Variants in NOTCH1 observed in about 807,000 individuals in gnomAD.
NOTCH1 encodes neurogenic locus notch homolog protein 1.
A neutral mutation model predicts 254.8 loss-of-function variants in NOTCH1; 37 were observed. The observed-to-expected ratio is 0.15, with a 90% confidence interval of 0.11 to 0.19. The LOEUF (loss-of-function observed/expected upper bound fraction) is 0.19, where lower values mean the gene tolerates loss of function less well. Ranked by LOEUF, NOTCH1 falls within the 10% of genes least tolerant of loss-of-function variation. The pLI, the probability that NOTCH1 is intolerant of heterozygous loss-of-function variation, is 1.00. For missense variants in NOTCH1, 2,972 were observed against 3,708.6 expected (o/e 0.80, Z 5.16); for synonymous variants, 1,731 against 1,618.1 (o/e 1.07, Z -1.68).
At chr9:136,514,755 C>G in intron 12 of NOTCH1, 53 bp from the exon 13 acceptor site, 1 of 1,554,998 alleles carries the variant, frequency 6.4e-7, no homozygotes, top group Admixed American at 1.8e-5. Context: ...GGGTCCCACC[C>G]ACGTCAACCT....
chr9:136,523,109 G>C lies in NOTCH1; in HGVS notation c.483C>G (p.Ser161=). ...NGGQCLPFEA[S]YICHCPPSFH... ...AGCTGGGTGGGCAGTGGCAGATGTAGGAGGCCTCGAAGGGCAGGCACTGGC... is the reference window on the plus strand; with the variant it reads ...AGCTGGGTGGGCAGTGGCAGATGTACGAGGCCTCGAAGGGCAGGCACTGGC... Residue 161 remains serine (S), a synonymous_variant, in exon 4 of 34, where the codon TCC becomes TCG. Coordinates refer to ENST00000651671, the MANE Select transcript of NOTCH1 (RefSeq NM_017617.5). 1 of 1,602,198 alleles carries C rather than the reference G, an allele frequency of 6.2e-7. No homozygotes were observed. Among genetic ancestry groups the C allele is most frequent in the South Asian group, 1.1e-5 (1 of 89,146 alleles).
chr9:136,521,872 C>A (rs1465471974), intron 4 of NOTCH1, among the ~76,000 whole-genome samples: 1 of 152,164 alleles, frequency 6.6e-6, no homozygotes, highest in Non-Finnish European at 1.5e-5. Flanking sequence ...TCAGCCAGGA[C>A]CCTGTGCACC....
Position 136,545,064 on chromosome 9 carries a change from G to A in NOTCH1, c.61+662C>T, listed in dbSNP as rs1317010394. On this transcript the variant is annotated intron_variant, in intron 1 of 33. Coordinates refer to ENST00000651671, the MANE Select transcript of NOTCH1 (RefSeq NM_017617.5). This position sits in a 1 kb window ranked among gnomAD's most constrained non-coding sequence, Gnocchi z 6.8. ...TGTAAGAGCCCCCCACCCGCGTCCC[G>A]CTCTCCGCCCCCAAGCTTTCCAAAC... Among the ~76,000 whole-genome samples, 1 of 151,810 alleles carries A rather than the reference G, an allele frequency of 6.6e-6. No individual in the cohort carries two copies. The highest frequency in any genetic ancestry group is 2.4e-5 in the African/African-American group (1 of 41,322).
rs1843714742 is a variant in NOTCH1, at chr9:136,540,316, G to A, written c.140+3708C>T. Among the ~76,000 whole-genome samples, 1 of 152,116 alleles carries A rather than the reference G, an allele frequency of 6.6e-6. No homozygotes were observed. The highest frequency in any genetic ancestry group is 1.9e-4 in the East Asian group (1 of 5,180). ...CAGCACACAGCAGGCGCTCAAACGT[G>A]TCTGTGAACTGGAGCCACCCTGGGA... On this transcript the variant is annotated intron_variant, in intron 2 of 33. Coordinates refer to ENST00000651671, the MANE Select transcript of NOTCH1 (RefSeq NM_017617.5). This position sits in a 1 kb window ranked among gnomAD's most constrained non-coding sequence, Gnocchi z 4.4.
chr9:136,523,597 C>T (rs1323428561), intron 3 of NOTCH1, 120 bp downstream of exon 3: 49 of 1,301,680 alleles, frequency 3.8e-5, no homozygotes, highest in Non-Finnish European at 4.7e-5. Flanking sequence ...GGGGCAGGGG[C>T]TCCCAATTAC....
At position 136,517,894 on chromosome 9, in the gene NOTCH1, C is replaced by T. The variant is rs1843302489; in HGVS notation, c.1299G>A (p.Leu433=). Residue 433 remains leucine (L), a synonymous_variant, in exon 8 of 34, where the codon CTG becomes CTA. Coordinates refer to ENST00000651671, the MANE Select transcript of NOTCH1 (RefSeq NM_017617.5). ...GCAGACACTGGCACTCGAAGGAGCCCAGCGTGTTGATGCACTTGCCCGCAT... is the reference window on the plus strand; with the variant it reads ...GCAGACACTGGCACTCGAAGGAGCCTAGCGTGTTGATGCACTTGCCCGCAT... ...CEHAGKCINT[L]GSFECQCLQG... 1 of 1,612,256 alleles carries T rather than the reference C, an allele frequency of 6.2e-7. No individual in the cohort carries two copies. The highest frequency in any genetic ancestry group is 8.5e-7 in the Non-Finnish European group (1 of 1,179,896).
chr9:136,542,220 GAGA>G (rs1353494954), intron 2 of NOTCH1, among the ~76,000 whole-genome samples: 1 of 152,188 alleles, frequency 6.6e-6, no homozygotes, highest in Non-Finnish European at 1.5e-5. Context: ...TGGTGCCACT[GAGA>G]AGAAGCAACA....
At chr9:136,508,805 C>T (rs1262522882) in intron 19 of NOTCH1, 65 bp downstream of exon 19, 9 of 1,462,834 alleles carry the variant, frequency 6.2e-6, no homozygotes, top group Non-Finnish European at 8.3e-6. Context: ...ACCGTTCCCA[C>T]CTCCCGCAGG....
At position 136,509,849 on chromosome 9, in the gene NOTCH1, A is replaced by C. The variant is rs1554728656; in HGVS notation, c.2853T>G (p.Ser951Arg). ...AGTTGGCCCCGTTGCGGCAGGGGTCACTGGCACACTCGTTGATGTCCTCCT... is the reference window on the plus strand; with the variant it reads ...AGTTGGCCCCGTTGCGGCAGGGGTCCCTGGCACACTCGTTGATGTCCTCCT... ...FCEEDINECA[S>R]DPCRNGANCT... The change falls in exon 18 of 34, where the codon AGT becomes AGG. Residue 951 changes from serine to arginine, a missense_variant. Ser to Arg is a moderately radical substitution (Grantham distance 110). Coordinates refer to ENST00000651671, the MANE Select transcript of NOTCH1 (RefSeq NM_017617.5). The C allele has an allele frequency of 6.2e-7, 1 of 1,613,076 alleles. No individual in the cohort carries two copies.
At chr9:136,542,854 C>T (rs1028986228) in intron 2 of NOTCH1, 1 of 152,270 alleles carries the variant, frequency 6.6e-6, no homozygotes, top group Non-Finnish European at 1.5e-5. Context: ...CACCAAACAC[C>T]TCCTCATTAT....
At chr9:136,515,814 G>T in intron 10 of NOTCH1, 98 bp from the exon 11 acceptor site, 1 of 1,265,568 alleles carries the variant, frequency 7.9e-7, no homozygotes, top group Non-Finnish European at 1.1e-6. Context: ...ACCTGAGGAG[G>T]GCTCCGAGCG....
In NOTCH1 at chr9:136,496,969, G is replaced by A. The variant is rs377112509; in HGVS notation, c.6770C>T (p.Ala2257Val). 1.1e-5 allele frequency: 17 copies of A among 1,610,694 alleles called. No individual in the cohort carries two copies. Among genetic ancestry groups the A allele is most frequent in the East Asian group, 4.5e-5 (2 of 44,830 alleles). The change falls in exon 34 of 34, where the codon GCG becomes GTG. Residue 2257 changes from alanine to valine, a missense_variant. Transcript: ENST00000651671. ...GGCCAGCCGGCCGCCCCCACCCAGC[G>A]CCGCCATCTCGGGCTTGGCCGCCAC... ...LNVAAKPEMA[A>V]LGGGGRLAFE...
At chr9:136,515,440 C>T (rs2133363057) in intron 11 of NOTCH1, 40 bp from the exon 12 acceptor site, 1 of 1,612,184 alleles carries the variant, frequency 6.2e-7, no homozygotes, top group South Asian at 1.1e-5. Context: ...TCAGGCCCGC[C>T]CTGCCCACTG....
intron 2 of NOTCH1, among the ~76,000 whole-genome samples, chr9:136,526,062 G>A (rs951393839): frequency 6.6e-6 from 1 of 152,256 alleles, no homozygotes; most frequent in Non-Finnish European, 1.5e-5. Context: ...GCCCCGGAAT[G>A]AGGCTCCCCC....
intron 15 of NOTCH1, among the ~76,000 whole-genome samples, chr9:136,512,528 C>T (rs1279773491): frequency 6.6e-6 from 1 of 152,210 alleles, no homozygotes; most frequent in Non-Finnish European, 1.5e-5. Flanking sequence ...CAGAGGGCTC[C>T]TTGTTCCGCT....
intron 2 of NOTCH1, among the ~76,000 whole-genome samples, chr9:136,529,498 C>T (rs1843525150): frequency 6.6e-6 from 1 of 152,238 alleles, no homozygotes; most frequent in Admixed American, 6.5e-5. Context: ...CGGGTCCTCT[C>T]CCACTGGAAC....
At chr9:136,520,883 G>T (rs557865489) in intron 4 of NOTCH1, among the ~76,000 whole-genome samples, 6 of 152,334 alleles carry the variant, frequency 3.9e-5, no homozygotes, top group East Asian at 1.9e-4. Flanking sequence ...GGCACACAGT[G>T]GGGGAGAGGG....
Position 136,545,979 on chromosome 9 carries a change from T to TGCGCTC in NOTCH1, c.-199_-194dup, listed in dbSNP as rs1257746397. Among the ~76,000 whole-genome samples, 5 of 146,542 alleles carry TGCGCTC rather than the reference T, an allele frequency of 3.4e-5. No individual in the cohort carries two copies. Among genetic ancestry groups the TGCGCTC allele is most frequent in the Admixed American group, 6.7e-5 (1 of 14,890 alleles). On this transcript the variant is annotated 5_prime_UTR_variant, in exon 1 of 34. Transcript: ENST00000651671. This position sits in a 1 kb window ranked among gnomAD's most constrained non-coding sequence, Gnocchi z 6.8. ...CTCCGCGCCCGGCTCGTTCCTTCGCTGCGCTCGCGCCCGCGCCCGCGCCCC... is the reference window on the plus strand; with the variant it reads ...CTCCGCGCCCGGCTCGTTCCTTCGCTGCGCTCGCGCTCGCGCCCGCGCCCGCGCCCC...
At chr9:136,524,872 G>A (rs1843435673) in intron 2 of NOTCH1, among the ~76,000 whole-genome samples, 3 of 152,010 alleles carry the variant, frequency 2.0e-5, no homozygotes, top group African/African-American at 7.2e-5. Flanking sequence ...TCTTGACCTC[G>A]TGATCTGCCC....
Sources: allele counts gnomAD v4.1 joint callset (sites outside exome capture counted in the v4.1 genomes callset), GRCh38; gene constraint gnomAD v4.1.1; non-coding constraint Gnocchi (gnomAD v3.1); transcripts MANE v1.5; gene names NCBI Gene and HGNC (gene_info 2026-07-23, HGNC 2026-07-21).